The following PTPRT variants were observed in gnomAD, a reference collection of about 807,000 sequenced individuals.
PTPRT encodes the protein protein tyrosine phosphatase receptor type T.
A neutral mutation model predicts 176.8 loss-of-function variants in PTPRT; 56 were observed. That is an observed-to-expected ratio of 0.32 (90% CI 0.26 to 0.40). PTPRT has a LOEUF of 0.40. Ranked by LOEUF, PTPRT falls within the 10% of genes least tolerant of loss-of-function variation. The pLI is 1.00. For missense variants in PTPRT, 1,540 were observed against 1,908.2 expected (o/e 0.81, Z 3.60); for synonymous variants, 783 against 739.0 (o/e 1.06, Z -0.96).
At chr20:43,103,611 T>C (rs1036990167) in intron 1 of PTPRT, among the ~76,000 whole-genome samples, 6 of 152,110 alleles carry the variant, frequency 3.9e-5, no homozygotes, top group African/African-American at 1.4e-4. Flanking sequence ...GGGGGCAATA[T>C]CACCCCCAAG....
intron 14 of PTPRT, among the ~76,000 whole-genome samples, chr20:42,241,314 A>G (rs1415084127): frequency 1.3e-5 from 2 of 152,096 alleles, no homozygotes; most frequent in Non-Finnish European, 2.9e-5. Flanking sequence ...GGAGAGGGGA[A>G]GGGAATTTTT....
chr20:42,827,570 T>C (rs2078016497), intron 2 of PTPRT, among the ~76,000 whole-genome samples: 1 of 152,138 alleles, frequency 6.6e-6, no homozygotes, highest in South Asian at 2.1e-4. Flanking sequence ...AAGAGGGAAA[T>C]CTATAGCACT....
intron 17 of PTPRT, among the ~76,000 whole-genome samples, chr20:42,146,719 T>C (rs935437883): frequency 1.3e-5 from 2 of 152,236 alleles, no homozygotes; most frequent in African/African-American, 2.4e-5. Context: ...GAAAGATCTT[T>C]CTAAAATGTG....
chr20:42,247,043 G>A (rs775061161), intron 14 of PTPRT, among the ~76,000 whole-genome samples: 1 of 152,172 alleles, frequency 6.6e-6, no homozygotes, highest in Non-Finnish European at 1.5e-5. Context: ...ATGGTGATAT[G>A]ACAATGTAGT....
chr20:42,576,985 C>T (rs1270834828), intron 7 of PTPRT, among the ~76,000 whole-genome samples: 3 of 152,056 alleles, frequency 2.0e-5, no homozygotes, highest in African/African-American at 7.2e-5. Flanking sequence ...AATGAATGGT[C>T]AGGGACAATG....
At chr20:42,320,771 TC>T (rs2057789886) in intron 11 of PTPRT, among the ~76,000 whole-genome samples, 1 of 152,140 alleles carries the variant, frequency 6.6e-6, no homozygotes, top group South Asian at 2.1e-4. Context: ...ATTTGTCTCA[TC>T]TCAAACCAAA....
intron 9 of PTPRT, among the ~76,000 whole-genome samples, chr20:42,440,292 C>G (rs941138162): frequency 1.3e-5 from 2 of 152,018 alleles, no homozygotes; most frequent in Admixed American, 6.6e-5. Context: ...AATCTTCAGC[C>G]AAGCTTGAGA....
intron 9 of PTPRT, among the ~76,000 whole-genome samples, chr20:42,416,337 G>A (rs73121626): frequency 1.3e-5 from 2 of 152,068 alleles, no homozygotes; most frequent in East Asian, 3.9e-4. Context: ...AATCAAGCCC[G>A]CAAACACCTT....
chr20:42,082,847 CTG>C (rs922061327), intron 29 of PTPRT, among the ~76,000 whole-genome samples: 1 of 152,196 alleles, frequency 6.6e-6, no homozygotes, highest in African/African-American at 2.4e-5. Flanking sequence ...ATGTAATGGT[CTG>C]TGTCTAAAGA....
chr20:42,451,734 C>T (rs573019714), intron 8 of PTPRT, among the ~76,000 whole-genome samples: 24 of 152,190 alleles, frequency 1.6e-4, no homozygotes, highest in African/African-American at 5.8e-4. Context: ...TAAACTTGCC[C>T]ATTGAACCTA....
chr20:42,417,980 T>C (rs1475284978), intron 9 of PTPRT, among the ~76,000 whole-genome samples: 1 of 152,068 alleles, frequency 6.6e-6, no homozygotes, highest in Non-Finnish European at 1.5e-5. Context: ...TCCCCTACAA[T>C]GTTCCAGAAG....
chr20:42,062,557 A>C, the PTPRT span, among the ~76,000 whole-genome samples: 3 of 152,198 alleles, frequency 2.0e-5, no homozygotes, highest in Admixed American at 6.5e-5. Context: ...TATTCCCAAC[A>C]TCATGCACAT....
At chr20:42,455,921 T>C (rs1321700752) in intron 8 of PTPRT, among the ~76,000 whole-genome samples, 1 of 152,090 alleles carries the variant, frequency 6.6e-6, no homozygotes, top group African/African-American at 2.4e-5. Flanking sequence ...TCTCTTTACA[T>C]AAACATTTGA....
intron 7 of PTPRT, among the ~76,000 whole-genome samples, chr20:42,600,395 C>T (rs1255708672): frequency 1.3e-5 from 2 of 152,316 alleles, no homozygotes; most frequent in East Asian, 3.9e-4. Context: ...CTGCATTGGC[C>T]TCCCAAAGTG....
chr20:42,338,816 C>T lies in PTPRT; in HGVS notation c.1865+11812G>A, dbSNP rs964734876. 2.0e-5 allele frequency among the ~76,000 whole-genome samples: 3 copies of T among 152,166 alleles called. No individual in the cohort carries two copies. In the East Asian group the frequency reaches 5.8e-4, roughly 29 times the overall value. On this transcript the variant is annotated intron_variant, in intron 11 of 30. Coordinates refer to ENST00000373187, the MANE Select transcript of PTPRT (RefSeq NM_007050.6). Reference sequence around the variant, plus strand: ...TCTGCAAATTCAAGGAATTCAGAGGCACACTGAAAGTTTTTGTGCTTATTC... The same window carrying T: ...TCTGCAAATTCAAGGAATTCAGAGGTACACTGAAAGTTTTTGTGCTTATTC...
At chr20:42,363,498 C>T (rs544753488) in intron 9 of PTPRT, among the ~76,000 whole-genome samples, 9 of 150,736 alleles carry the variant, frequency 6.0e-5, no homozygotes, top group South Asian at 2.1e-4. Context: ...TTAGTAGAGA[C>T]GGGGTTTCTC....
chr20:42,908,486 A>G (rs1033328370), intron 1 of PTPRT, among the ~76,000 whole-genome samples: 8 of 152,166 alleles, frequency 5.3e-5, no homozygotes, highest in Admixed American at 5.2e-4. Context: ...CTTTCTAACA[A>G]TATTCTCCCC....
chr20:42,870,638 A>G (rs2078829327), intron 2 of PTPRT, among the ~76,000 whole-genome samples: 1 of 152,242 alleles, frequency 6.6e-6, no homozygotes, highest in Admixed American at 6.5e-5. Context: ...TGTTCACACA[A>G]TGATGAAATT....
intron 1 of PTPRT, among the ~76,000 whole-genome samples, chr20:42,938,397 A>G (rs1980334417): frequency 6.6e-6 from 1 of 152,198 alleles, no homozygotes; most frequent in African/African-American, 2.4e-5. Flanking sequence ...TAGGGTCTGC[A>G]CATGGTTCTT....
Sources: gnomAD v4.1 joint callset for allele counts (sites outside exome capture counted in the v4.1 genomes callset) on GRCh38, gnomAD v4.1.1 for gene constraint, MANE v1.5 for transcripts, NCBI Gene and HGNC (gene_info 2026-07-23, HGNC 2026-07-21) for gene names.